The following CMSS1 variants were observed in gnomAD, a reference collection of about 807,000 sequenced individuals.
CMSS1 encodes the protein protein CMSS1.
CMSS1 carries 33 observed loss-of-function variants against 43.5 expected under a neutral mutation model. The ratio of observed to expected loss-of-function variants is 0.76; its 90% CI spans 0.57 to 1.01. The LOEUF (loss-of-function observed/expected upper bound fraction) is 1.01. Ranked by LOEUF, CMSS1 falls within the 50% of genes least tolerant of loss-of-function variation. The pLI is 0.00. For missense variants in CMSS1, 313 were observed against 326.4 expected (o/e 0.96, Z 0.32); for synonymous variants, 115 against 117.2 (o/e 0.98, Z 0.12).
chr3:100,024,051 A>G (rs1428801549), intron 1 of CMSS1, among the ~76,000 whole-genome samples: 2 of 152,174 alleles, frequency 1.3e-5, no homozygotes, highest in Admixed American at 6.6e-5. Context: ...CAGACTATCA[A>G]GAGTAGTGTC....
intron 1 of CMSS1, among the ~76,000 whole-genome samples, chr3:99,909,483 CA>C (rs1706723813): frequency 6.6e-6 from 1 of 152,042 alleles, no homozygotes; most frequent in Non-Finnish European, 1.5e-5. Flanking sequence ...TACTTGTTAA[CA>C]AATTTGTGAA....
chr3:99,877,558 A>T (rs1705575774), intron 1 of CMSS1, among the ~76,000 whole-genome samples: 1 of 151,698 alleles, frequency 6.6e-6, no homozygotes, highest in African/African-American at 2.4e-5. Context: ...CAGTATACTA[A>T]GAGATGTGAA....
chr3:99,845,789 G>A (rs1163121576), intron 1 of CMSS1, among the ~76,000 whole-genome samples: 1 of 152,086 alleles, frequency 6.6e-6, no homozygotes, highest in East Asian at 1.9e-4. Context: ...TAATCTACAC[G>A]TTATTAATCT....
At chr3:99,871,947 CTTTTT>C (rs1576534792) in intron 1 of CMSS1, among the ~76,000 whole-genome samples, 1 of 151,990 alleles carries the variant, frequency 6.6e-6, no homozygotes, top group Non-Finnish European at 1.5e-5. Flanking sequence ...TTATCCTTTG[CTTTTT>C]TATTGCTTAT....
intron 1 of CMSS1, among the ~76,000 whole-genome samples, chr3:100,084,541 TAC>T (rs1396577207): frequency 1.7e-4 from 26 of 152,110 alleles, no homozygotes; most frequent in Non-Finnish European, 1.5e-5. Flanking sequence ...GGGAAAACAA[TAC>T]AGTGTTATGG....
Position 99,910,746 on chromosome 3 carries a change from C to T in CMSS1, c.64+92703C>T, listed in dbSNP as rs190961167. ...CCCAAATAGTTACCCATACTCTTCT[C>T]AGAACCCTCATGCAAGAAAGTAGAT... On this transcript the variant is annotated intron_variant, in intron 1 of 9. Coordinates refer to ENST00000421999, the MANE Select transcript of CMSS1 (RefSeq NM_032359.4). Among the ~76,000 whole-genome samples, 50 of 83,740 alleles carry T rather than the reference C, an allele frequency of 6.0e-4. 3 individuals are homozygous for T. Among genetic ancestry groups the T allele is most frequent in the African/African-American group, 1.6e-3 (50 of 32,106 alleles). The allele number at this position is 83,740 out of a possible 152,430, so 54.9% of individuals were successfully genotyped here. A position where few individuals can be genotyped will look rare whatever the true frequency, so the allele number is the denominator to read the frequency against.
intron 1 of CMSS1, among the ~76,000 whole-genome samples, chr3:100,056,850 A>G (rs190676758): frequency 1.5e-3 from 230 of 152,184 alleles, no homozygotes; most frequent in African/African-American, 5.2e-3. Context: ...TAAAAATACA[A>G]AAAATTAGCC....
At chr3:99,940,128 C>G (rs1707809709) in intron 1 of CMSS1, among the ~76,000 whole-genome samples, 1 of 152,114 alleles carries the variant, frequency 6.6e-6, no homozygotes, top group Non-Finnish European at 1.5e-5. Context: ...GTGATTTATC[C>G]AAGTTTTCCA....
At chr3:99,967,572 G>A (rs886634199) in intron 1 of CMSS1, among the ~76,000 whole-genome samples, 1 of 152,268 alleles carries the variant, frequency 6.6e-6, no homozygotes, top group Admixed American at 6.5e-5. Context: ...CCCTACACCT[G>A]GATGGGAAAT....
At chr3:100,159,510 G>A (rs980372928) in intron 2 of CMSS1, among the ~76,000 whole-genome samples, 1 of 152,184 alleles carries the variant, frequency 6.6e-6, no homozygotes, top group Non-Finnish European at 1.5e-5. Flanking sequence ...TAGCTTATCA[G>A]TTTAAACTGA....
At chr3:99,950,375 T>C (rs1708139670) in intron 1 of CMSS1, among the ~76,000 whole-genome samples, 2 of 152,214 alleles carry the variant, frequency 1.3e-5, no homozygotes, top group African/African-American at 4.8e-5. Context: ...TTCTTATTTC[T>C]ATGGGTAGGG....
intron 9 of CMSS1, among the ~76,000 whole-genome samples, chr3:100,176,794 G>A (rs1019277993): frequency 2.0e-5 from 3 of 152,008 alleles, no homozygotes; most frequent in African/African-American, 7.3e-5. Context: ...GGGGAGCAGG[G>A]GTACAAACTT....
intron 1 of CMSS1, among the ~76,000 whole-genome samples, chr3:100,009,348 G>A (rs1380173596): frequency 2.0e-5 from 3 of 152,130 alleles, no homozygotes; most frequent in African/African-American, 4.8e-5. Flanking sequence ...GTTAGAGTTC[G>A]CAGTAGTGGT....
chr3:99,897,866 G>A (rs1438715815), intron 1 of CMSS1, among the ~76,000 whole-genome samples: 1 of 152,074 alleles, frequency 6.6e-6, no homozygotes, highest in East Asian at 1.9e-4. Context: ...AAATATATGT[G>A]GTAAAACAAA....
intron 1 of CMSS1, among the ~76,000 whole-genome samples, chr3:100,102,010 C>T (rs890145883): frequency 5.3e-5 from 8 of 152,146 alleles, no homozygotes; most frequent in African/African-American, 1.9e-4. Flanking sequence ...TTTCTTAATC[C>T]AGTCGATCAT....
intron 1 of CMSS1, chr3:99,929,916 A>T: frequency 6.2e-7 from 1 of 1,613,732 alleles, no homozygotes; most frequent in Non-Finnish European, 8.5e-7. Flanking sequence ...CTTGAAAAGC[A>T]TCTCTCTGGA....
chr3:99,850,761 G>A, intron 1 of CMSS1: 1 of 1,614,188 alleles, frequency 6.2e-7, no homozygotes, highest in South Asian at 1.1e-5. Context: ...TTGTGTCTTG[G>A]TCTTGGTGAA....
At chr3:100,064,413 A>G (rs534008664) in intron 1 of CMSS1, among the ~76,000 whole-genome samples, 46 of 151,108 alleles carry the variant, frequency 3.0e-4, no homozygotes, top group Non-Finnish European at 5.2e-4. Context: ...TTTTTTTTCA[A>G]CATTAAAGCC....
At chr3:99,871,272 A>C (rs545597763) in intron 1 of CMSS1, among the ~76,000 whole-genome samples, 1 of 152,302 alleles carries the variant, frequency 6.6e-6, no homozygotes, top group South Asian at 2.1e-4. Flanking sequence ...AAAATCTAGA[A>C]GAAGGGGCCC....
Sources: gnomAD v4.1 joint callset for allele counts (sites outside exome capture counted in the v4.1 genomes callset) on GRCh38, gnomAD v4.1.1 for gene constraint, MANE v1.5 for transcripts, NCBI Gene and HGNC (gene_info 2026-07-23, HGNC 2026-07-21) for gene names.